MYH14: variants seen among roughly 807,000 people sequenced by gnomAD.
MYH14 encodes myosin-14.
In MYH14, 123 loss-of-function variants were observed where a neutral mutation model predicts 255.5. That is an observed-to-expected ratio of 0.48 (90% confidence interval 0.42 to 0.56). MYH14 has a LOEUF of 0.56. Ranked by LOEUF, MYH14 falls within the 20% of genes least tolerant of loss-of-function variation. MYH14 has a pLI of 0.00. For missense variants in MYH14, 2,423 were observed against 2,802.3 expected (o/e 0.86, Z 3.06); for synonymous variants, 1,095 against 1,161.2 (o/e 0.94, Z 1.16).
intron 10 of MYH14, among the ~76,000 whole-genome samples, chr19:50,234,672 T>C (rs1465737787): frequency 7.4e-5 from 11 of 149,278 alleles, no homozygotes; most frequent in African/African-American, 2.7e-4. Flanking sequence ...GTGGCTGCAA[T>C]GGGGACCTGG....
intron 13 of MYH14, 22 bp from the exon 14 acceptor site, chr19:50,249,628 C>T: frequency 6.9e-7 from 1 of 1,439,130 alleles, no homozygotes; most frequent in Non-Finnish European, 9.3e-7. Flanking sequence ...CCTCCCAGCT[C>T]ACGTGTCCTG....
intron 40 of MYH14, among the ~76,000 whole-genome samples, chr19:50,305,402 G>A (rs2036620778): frequency 6.6e-6 from 1 of 152,086 alleles, no homozygotes; most frequent in South Asian, 2.1e-4. Flanking sequence ...AGGGAATATT[G>A]GCTTTTTGGA....
chr19:50,232,032 C>T lies in MYH14; in HGVS notation c.1076C>T (p.Ser359Leu), dbSNP rs763292852. ...GAACTCTTCCAGGAGACGCTGGAGT[C>T]GCTGCGGGTCCTGGGATTCAGCCAC... Reference protein sequence around the residue: ...ERELFQETLESLRVLGFSHEE... With the variant: ...ERELFQETLELLRVLGFSHEE... The change falls in exon 10 of 43, where the codon TCG (serine) becomes TTG (leucine). Residue 359 changes from serine to leucine, a missense_variant. By Grantham distance (145) the Ser-to-Leu change is moderately radical (BLOSUM62 -2). Around this residue, in one of 3 missense-constraint regions of MYH14, gnomAD observed 672 missense variants for 881.8 expected, o/e 0.76. Transcript: ENST00000642316. The T allele has an allele frequency of 2.5e-6, 4 of 1,613,188 alleles. No individual in the cohort carries two copies. Among genetic ancestry groups the T allele is most frequent in the African/African-American group, 1.3e-5 (1 of 74,946 alleles).
intron 27 of MYH14, among the ~76,000 whole-genome samples, chr19:50,273,504 C>T (rs1414526217): frequency 6.6e-6 from 1 of 151,922 alleles, no homozygotes; most frequent in Non-Finnish European, 1.5e-5. Flanking sequence ...CACTGTGCTT[C>T]ATGCAATCTA....
rs570726110 is a variant in MYH14 at position 50,266,259 on chromosome 19, G to T, written c.2695-618G>T. On this transcript the variant is annotated intron_variant, in intron 22 of 42. Transcript: ENST00000642316. The surrounding 1 kb of genome is among the most constrained non-coding windows in gnomAD (Gnocchi z 4.1). ...CTCACTAAGGACCTTGGACTAACAG[G>T]CTTAAGAAACACTGGCCTTTGGCCA... Among the ~76,000 whole-genome samples, 17 of 152,308 alleles carry T rather than the reference G, an allele frequency of 1.1e-4. No individual in the cohort carries two copies. The highest frequency in any genetic ancestry group is 3.4e-3 in the Middle Eastern group (1 of 294).
In MYH14 at chr19:50,265,904, C is replaced by G. The variant is rs1479217127; in HGVS notation, c.2695-973C>G. Among the ~76,000 whole-genome samples the G allele has an allele frequency of 2.0e-5, 3 of 152,180 alleles. No homozygotes were observed. The East Asian group carries it at 5.8e-4, about 29-fold the overall frequency. On this transcript the variant is annotated intron_variant, in intron 22 of 42. Coordinates refer to ENST00000642316, the MANE Select transcript of MYH14 (RefSeq NM_001145809.2). Reference sequence around the variant, plus strand: ...CCTGTAAAATCTCAAATATTTCCTGCCTGGCCCTTGAAGAAAAAGTTTGCC... The same window carrying G: ...CCTGTAAAATCTCAAATATTTCCTGGCTGGCCCTTGAAGAAAAAGTTTGCC...
In MYH14 at chr19:50,266,964, C is replaced by G; in HGVS notation, c.2782C>G (p.Gln928Glu). The change falls in exon 23 of 43, where the codon CAG becomes GAG. Residue 928 changes from glutamine to glutamate, a missense_variant. Physicochemically the swap from Gln to Glu is conservative, Grantham distance 29 (BLOSUM62 2). Around this residue, in one of 3 missense-constraint regions of MYH14, gnomAD observed 1,513 missense variants for 1,674.8 expected, o/e 0.90. Transcript: ENST00000642316. This position sits in a 1 kb window ranked among gnomAD's most constrained non-coding sequence, Gnocchi z 4.1. ...ELQKVQELQQ[Q>E]SAREVGELQG... ...GCAGAAAGTGCAGGAGCTACAGCAGCAGAGCGCCCGCGAAGTTGGGGAGCT... is the reference window on the plus strand; with the variant it reads ...GCAGAAAGTGCAGGAGCTACAGCAGGAGAGCGCCCGCGAAGTTGGGGAGCT... The G allele has an allele frequency of 6.4e-7, 1 of 1,566,034 alleles. No individual in the cohort carries two copies. The highest frequency in any genetic ancestry group is 8.7e-7 in the Non-Finnish European group (1 of 1,155,794).
chr19:50,224,227 G>A (rs747096230), intron 6 of MYH14, 50 bp downstream of exon 6: 11 of 1,613,270 alleles, frequency 6.8e-6, no homozygotes, highest in South Asian at 3.3e-5. Context: ...ATGCCTTCCC[G>A]GCCACCCAAT....
rs1568458274 is a variant in MYH14 at position 50,207,256 on chromosome 19, AAAGAGAGAGAGAGAC to A, written c.-3-3105_-3-3091del. Among the ~76,000 whole-genome samples, 288 of 135,720 alleles carry A rather than the reference AAAGAGAGAGAGAGAC, an allele frequency of 2.1e-3. 3 individuals carry two copies. The East Asian group carries it at 0.025, about 12-fold the overall frequency. 89.0% of individuals were successfully genotyped at this position (135,720 alleles called of 152,430 possible). ...AGAAAAAAGAGAGAGAGAGAGAGAG[AAAGAGAGAGAGAGAC>A]AGAGAGAGAGAGAGAGAGAGAGAGA... On this transcript the variant is annotated intron_variant, in intron 1 of 42. Transcript: ENST00000642316.
chr19:50,252,112 C>G lies in MYH14; in HGVS notation c.1831-527C>G, dbSNP rs2034424043. ...CTTCCCCAGACATACTCCAGAACTCCCCCTGTACCCAGCCCTCTGCTAGGC... is the reference window on the plus strand; with the variant it reads ...CTTCCCCAGACATACTCCAGAACTCGCCCTGTACCCAGCCCTCTGCTAGGC... On this transcript the variant is annotated intron_variant, in intron 15 of 42. Coordinates refer to ENST00000642316, the MANE Select transcript of MYH14 (RefSeq NM_001145809.2). This position sits in a 1 kb window ranked among gnomAD's most constrained non-coding sequence, Gnocchi z 4.2. Among the ~76,000 whole-genome samples the G allele has an allele frequency of 6.6e-6, 1 of 152,192 alleles. No homozygotes were observed. Among genetic ancestry groups the G allele is most frequent in the Admixed American group, 6.5e-5 (1 of 15,282 alleles).
chr19:50,221,081 G>T lies in MYH14; in HGVS notation c.563-2002G>T, dbSNP rs760949169. ...AAAACAGTCATGGTCACACTGGTGG[G>T]TGTATGCTGAGGTGGGATTCGAACC... On this transcript the variant is annotated intron_variant, in intron 3 of 42. Coordinates refer to ENST00000642316, the MANE Select transcript of MYH14 (RefSeq NM_001145809.2). This position sits in a 1 kb window ranked among gnomAD's most constrained non-coding sequence, Gnocchi z 5.3. 6.6e-6 allele frequency among the ~76,000 whole-genome samples: 1 copy of T among 152,130 alleles called. No individual in the cohort carries two copies. Among genetic ancestry groups the T allele is most frequent in the Non-Finnish European group, 1.5e-5 (1 of 68,028 alleles).
intron 27 of MYH14, among the ~76,000 whole-genome samples, chr19:50,273,650 G>A (rs2035401799): frequency 1.3e-5 from 2 of 150,492 alleles, no homozygotes; most frequent in South Asian, 2.1e-4. Context: ...ACACGTCTTT[G>A]TTTTGTTTTG....
intron 35 of MYH14, among the ~76,000 whole-genome samples, 158 bp downstream of exon 35, chr19:50,289,806 C>T (rs2036010936): frequency 6.6e-6 from 1 of 151,950 alleles, no homozygotes; most frequent in Admixed American, 6.6e-5. Context: ...CCTTCCACTG[C>T]TCAGTGTCTC....
chr19:50,309,939 G>A lies in MYH14; in HGVS notation c.*149G>A, dbSNP rs1040963691. 1.6e-5 allele frequency: 13 copies of A among 816,476 alleles called. No homozygotes were observed. Among genetic ancestry groups the A allele is most frequent in the Admixed American group, 2.3e-5 (1 of 43,342 alleles). The allele number at this position is 816,476 out of a possible 1,614,324, so 50.6% of individuals were successfully genotyped here. ...TCTGGCATTTATCACCCCCACCTGGGTCCCCTGCAACCTCCCATCAAAGGA... is the reference window on the plus strand; with the variant it reads ...TCTGGCATTTATCACCCCCACCTGGATCCCCTGCAACCTCCCATCAAAGGA... On this transcript the variant is annotated 3_prime_UTR_variant, in exon 43 of 43. Coordinates refer to ENST00000642316, the MANE Select transcript of MYH14 (RefSeq NM_001145809.2).
At chr19:50,283,889 A>G (rs1373676444) in intron 33 of MYH14, among the ~76,000 whole-genome samples, 5 of 152,302 alleles carry the variant, frequency 3.3e-5, no homozygotes, top group Middle Eastern at 6.8e-3. Flanking sequence ...CCTGACCAAC[A>G]TGGAGAAACC....
intron 17 of MYH14, among the ~76,000 whole-genome samples, chr19:50,256,539 AT>A (rs2034598598): frequency 1.3e-5 from 2 of 152,132 alleles, no homozygotes; most frequent in East Asian, 3.9e-4. Context: ...ACCTGGCTTA[AT>A]TTTTTGTATT....
In MYH14 at chr19:50,266,805, C is replaced by G; in HGVS notation, c.2695-72C>G. 6.5e-7 allele frequency: 1 copy of G among 1,539,988 alleles called. No individual in the cohort carries two copies. Among genetic ancestry groups the G allele is most frequent in the Non-Finnish European group, 8.8e-7 (1 of 1,137,710 alleles). ...AGGAGAAGGGATTTGAACCCAGAAA[C>G]TCAAACCCCACTAAGAGTGTGAGGT... On this transcript the variant is annotated intron_variant, in intron 22 of 42. Transcript: ENST00000642316. The surrounding 1 kb of genome is among the most constrained non-coding windows in gnomAD (Gnocchi z 4.1).
chr19:50,237,579 C>G (rs1397752092), intron 10 of MYH14, among the ~76,000 whole-genome samples: 1 of 152,190 alleles, frequency 6.6e-6, no homozygotes, highest in Non-Finnish European at 1.5e-5. Flanking sequence ...CCACCCGCCT[C>G]CGCCTCCCAA....
chr19:50,280,146 C>A lies in MYH14; in HGVS notation c.4137+5C>A. On this transcript the variant is annotated splice_donor_5th_base_variant and intron_variant, in intron 31 of 42. Transcript: ENST00000642316. The surrounding 1 kb of genome is among the most constrained non-coding windows in gnomAD (Gnocchi z 4.8). Reference sequence around the variant, plus strand: ...GCCCAGCTGCACGATGCCCAGGTGACCCTGCCTGCCCTTCGGCTCCACCGT... The same window carrying A: ...GCCCAGCTGCACGATGCCCAGGTGAACCTGCCTGCCCTTCGGCTCCACCGT... The A allele has an allele frequency of 6.3e-7, 1 of 1,590,622 alleles. No homozygotes were observed. The highest frequency in any genetic ancestry group is 8.6e-7 in the Non-Finnish European group (1 of 1,169,374).
Sources: gnomAD v4.1 joint callset for allele counts (sites outside exome capture counted in the v4.1 genomes callset) on GRCh38, gnomAD v4.1.1 for gene constraint, gnomAD v4.1.1 regional missense constraint, Gnocchi (gnomAD v3.1) non-coding constraint, MANE v1.5 for transcripts, NCBI Gene and HGNC (gene_info 2026-07-23, HGNC 2026-07-21) for gene names.